The following AP3B1 variants were observed in gnomAD, a reference collection of about 807,000 sequenced individuals.
The protein encoded by AP3B1 is AP-3 complex subunit beta-1.
A neutral mutation model predicts 132.5 loss-of-function variants in AP3B1; 61 were observed. That is an observed-to-expected ratio of 0.46 (90% CI 0.37 to 0.57). AP3B1 has a LOEUF of 0.57. Among genes scored for constraint, AP3B1 ranks in the 20% least tolerant of loss-of-function variants. The pLI, the probability that AP3B1 is intolerant of heterozygous loss-of-function variation, is 0.00. For missense variants in AP3B1, 1,120 were observed against 1,289.4 expected, an observed-to-expected ratio of 0.87 and a Z score of 2.01; for synonymous variants, 388 against 438.3, an observed-to-expected ratio of 0.89 and a Z score of 1.43.
intron 12 of AP3B1, among the ~76,000 whole-genome samples, chr5:78,164,230 G>C (rs924420805): frequency 1.3e-5 from 2 of 151,800 alleles, no homozygotes; most frequent in Non-Finnish European, 2.9e-5. Flanking sequence ...GTAACTATGA[G>C]CATAACACAA....
At chr5:78,003,378 T>C (rs935132353) in intron 26 of AP3B1, 17 of 272,712 alleles carry the variant, frequency 6.2e-5, no homozygotes, top group African/African-American at 3.4e-4. Context: ...ATCCACTTGG[T>C]ATTTAACATT....
chr5:78,060,802 A>G (rs1749016084), intron 22 of AP3B1, among the ~76,000 whole-genome samples: 1 of 152,172 alleles, frequency 6.6e-6, no homozygotes, highest in South Asian at 2.1e-4. Context: ...CACAAGTACC[A>G]TAATCCCTAA....
intron 1 of AP3B1, among the ~76,000 whole-genome samples, chr5:78,290,588 AG>A (rs35151687): frequency 0.23 from 35,102 of 152,098 alleles, 4,630 homozygotes; most frequent in Middle Eastern, 0.31. Flanking sequence ...GGTTAAAAGA[AG>A]TTTTTTTTTA....
At chr5:78,225,436 C>G (rs4345296) in intron 6 of AP3B1, 106 bp downstream of exon 6, 23,119 of 612,588 alleles carry the variant, frequency 0.038, 880 homozygotes, top group East Asian at 0.16. Flanking sequence ...AATATTTATA[C>G]CATTTTGAAA....
At chr5:78,239,400 G>A (rs1300290376) in intron 3 of AP3B1, among the ~76,000 whole-genome samples, 3 of 149,420 alleles carry the variant, frequency 2.0e-5, no homozygotes, top group East Asian at 2.0e-4. Flanking sequence ...AAACCCAAGA[G>A]GTCAAGGCTA....
intron 1 of AP3B1, among the ~76,000 whole-genome samples, chr5:78,277,427 A>G (rs550124302): frequency 1.3e-5 from 2 of 152,308 alleles, no homozygotes; most frequent in East Asian, 3.9e-4. Flanking sequence ...GGAGAGAGCA[A>G]GGCAGAGAAG....
chr5:78,211,734 G>C (rs1745746809), intron 7 of AP3B1, among the ~76,000 whole-genome samples: 1 of 152,068 alleles, frequency 6.6e-6, no homozygotes, highest in Admixed American at 6.6e-5. Context: ...GTTTTGACCG[G>C]AACACAATAA....
At chr5:78,282,099 C>G (rs939483284) in intron 1 of AP3B1, among the ~76,000 whole-genome samples, 4 of 152,146 alleles carry the variant, frequency 2.6e-5, no homozygotes, top group Non-Finnish European at 5.9e-5. Context: ...TCTCACCCAT[C>G]CACCAATGGA....
intron 7 of AP3B1, among the ~76,000 whole-genome samples, chr5:78,193,739 T>TA (rs1491483128): frequency 0.013 from 443 of 33,148 alleles, 3 homozygotes; most frequent in Admixed American, 0.021. Flanking sequence ...TTTGTATATA[T>TA]TTTTTTATAT....
intron 15 of AP3B1, among the ~76,000 whole-genome samples, chr5:78,138,545 G>A (rs1178523464): frequency 6.6e-6 from 1 of 151,974 alleles, no homozygotes; most frequent in Non-Finnish European, 1.5e-5. Flanking sequence ...CAAAAACAGA[G>A]AACAACTCTT....
At chr5:78,071,519 T>C (rs1749543920) in intron 22 of AP3B1, among the ~76,000 whole-genome samples, 1 of 152,206 alleles carries the variant, frequency 6.6e-6, no homozygotes, top group African/African-American at 2.4e-5. Context: ...TGTTTACCTA[T>C]GTAACAAACC....
chr5:78,010,757 C>G (rs1050245276), intron 26 of AP3B1, among the ~76,000 whole-genome samples: 1 of 152,132 alleles, frequency 6.6e-6, no homozygotes, highest in Non-Finnish European at 1.5e-5. Flanking sequence ...GCAGTCCATT[C>G]ATATACTGGT....
intron 6 of AP3B1, among the ~76,000 whole-genome samples, chr5:78,218,575 A>T (rs558943273): frequency 1.3e-5 from 2 of 152,274 alleles, no homozygotes; most frequent in Admixed American, 1.3e-4. Flanking sequence ...TATGGAGTTC[A>T]TATTTTCTCT....
chr5:78,169,693 G>A (rs1280845174), intron 11 of AP3B1, among the ~76,000 whole-genome samples: 2 of 152,022 alleles, frequency 1.3e-5, no homozygotes, highest in Non-Finnish European at 2.9e-5. Context: ...CTCCCAAAGT[G>A]CTAGCAATAC....
chr5:78,203,332 C>A (rs937758660), intron 7 of AP3B1, among the ~76,000 whole-genome samples: 3 of 152,168 alleles, frequency 2.0e-5, no homozygotes, highest in East Asian at 1.9e-4. Flanking sequence ...GAGGAAGGCA[C>A]CTCTTAACAG....
At chr5:78,155,974 TG>T (rs1300412882) in intron 14 of AP3B1, among the ~76,000 whole-genome samples, 1 of 152,186 alleles carries the variant, frequency 6.6e-6, no homozygotes, top group African/African-American at 2.4e-5. Context: ...ATTTCATGTA[TG>T]ACACATGAAC....
chr5:78,085,489 G>C (rs1220212289), intron 22 of AP3B1, among the ~76,000 whole-genome samples: 3 of 152,056 alleles, frequency 2.0e-5, no homozygotes, highest in Non-Finnish European at 2.9e-5. Flanking sequence ...ACAGCCCCCA[G>C]ATCAAAAGAC....
At chr5:78,273,916 G>A (rs1748659878) in intron 1 of AP3B1, among the ~76,000 whole-genome samples, 1 of 150,818 alleles carries the variant, frequency 6.6e-6, no homozygotes, top group African/African-American at 2.4e-5. Flanking sequence ...TATGGAAGAA[G>A]CTATCACCCA....
At chr5:78,254,114 A>T (rs546431919) in intron 2 of AP3B1, among the ~76,000 whole-genome samples, 1 of 152,080 alleles carries the variant, frequency 6.6e-6, no homozygotes, top group South Asian at 2.1e-4. Context: ...AGCAGAAGAA[A>T]GAATTCATGA....
Sources: gnomAD v4.1 joint callset for allele counts (sites outside exome capture counted in the v4.1 genomes callset) on GRCh38, gnomAD v4.1.1 for gene constraint, MANE v1.5 for transcripts, NCBI Gene and HGNC (gene_info 2026-07-23, HGNC 2026-07-21) for gene names.